KAT2B: variants seen among roughly 807,000 people sequenced by gnomAD.
KAT2B encodes histone acetyltransferase KAT2B.
A neutral mutation model predicts 105.9 loss-of-function variants in KAT2B; 36 were observed. The observed-to-expected ratio is 0.34, with a 90% CI of 0.26 to 0.45. The LOEUF (loss-of-function observed/expected upper bound fraction) is 0.45. KAT2B is among the 20% of genes least tolerant of loss of function. KAT2B has a pLI of 1.00. For missense variants in KAT2B, 820 were observed against 1,021.6 expected (o/e 0.80, Z 2.69); for synonymous variants, 397 against 377.9 (o/e 1.05, Z -0.59).
chr3:20,098,127 G>C (rs1374369173), intron 3 of KAT2B, among the ~76,000 whole-genome samples: 1 of 151,890 alleles, frequency 6.6e-6, no homozygotes, highest in Non-Finnish European at 1.5e-5. Context: ...CTACTTGAGA[G>C]GCTGAGGCAG....
intron 11 of KAT2B, among the ~76,000 whole-genome samples, chr3:20,132,212 C>A (rs1575152988): frequency 6.6e-6 from 1 of 151,926 alleles, no homozygotes; most frequent in Admixed American, 6.6e-5. Flanking sequence ...CCATCTCTAC[C>A]AAAAATACAA....
chr3:20,129,765 C>T (rs962839115), intron 11 of KAT2B, among the ~76,000 whole-genome samples: 2 of 152,110 alleles, frequency 1.3e-5, no homozygotes, highest in Non-Finnish European at 2.9e-5. Flanking sequence ...TTGATAGGCA[C>T]GTGTGGCCAG....
intron 1 of KAT2B, among the ~76,000 whole-genome samples, chr3:20,066,705 C>G (rs1698228564): frequency 6.6e-6 from 1 of 150,670 alleles, no homozygotes; most frequent in African/African-American, 2.4e-5. Context: ...CTGGCTGGGA[C>G]ATGAACTTTA....
chr3:20,053,644 GTATTA>G lies in KAT2B; in HGVS notation c.303+12870_303+12874del, dbSNP rs1277348131. Among the ~76,000 whole-genome samples, 6 of 152,138 alleles carry G rather than the reference GTATTA, an allele frequency of 3.9e-5. No individual in the cohort carries two copies. In the East Asian group the frequency reaches 9.6e-4, roughly 24 times the overall value. On this transcript the variant is annotated intron_variant, in intron 1 of 17. Transcript: ENST00000263754. ...GTTTTAGCATATATTCTAGAAGTCT[GTATTA>G]TATTAGTAAACTTAAAAATCAATTG...
intron 5 of KAT2B, among the ~76,000 whole-genome samples, chr3:20,103,546 A>T (rs1698946347): frequency 6.6e-6 from 1 of 152,106 alleles, no homozygotes; most frequent in East Asian, 1.9e-4. Flanking sequence ...AGTAGCTGGG[A>T]CTACAGGCAC....
chr3:20,111,897 C>G, intron 6 of KAT2B, 110 bp downstream of exon 6: 1 of 846,926 alleles, frequency 1.2e-6, no homozygotes, highest in Non-Finnish European at 1.8e-6. Context: ...AAGAAACATT[C>G]CAAGGGGATG....
chr3:20,079,887 G>A (rs1200013896), intron 2 of KAT2B, among the ~76,000 whole-genome samples: 1 of 152,114 alleles, frequency 6.6e-6, no homozygotes, highest in African/African-American at 2.4e-5. Flanking sequence ...GCTGTGGGTC[G>A]GGCACAGCAG....
At chr3:20,051,210 A>AAAC in intron 1 of KAT2B, among the ~76,000 whole-genome samples, 1 of 151,284 alleles carries the variant, frequency 6.6e-6, no homozygotes, top group Non-Finnish European at 1.5e-5. Context: ...AAAAAAAAAA[A>AAAC]AAAACCCAAA....
In KAT2B at chr3:20,040,512, G is replaced by GCGGGGCAGGAGCCGGGGCAGGGGC. The variant is rs1553643230; in HGVS notation, c.40_63dup (p.Ala14_Gly21dup). ...GCTGGCGGGGCCGGGCCGGGCGGCTGCGGGGCAGGAGCCGGGGCAGGGGCC... is the reference window on the plus strand; with the variant it reads ...GCTGGCGGGGCCGGGCCGGGCGGCTGCGGGGCAGGAGCCGGGGCAGGGGCCGGGGCAGGAGCCGGGGCAGGGGCC... On this transcript the variant is annotated inframe_insertion, in exon 1 of 18. Transcript: ENST00000263754. 70 of 1,028,810 alleles carry GCGGGGCAGGAGCCGGGGCAGGGGC rather than the reference G, an allele frequency of 6.8e-5. No homozygotes were observed. In the East Asian group the frequency reaches 4.6e-3, roughly 68 times the overall value. The allele number at this position is 1,028,810 out of a possible 1,614,324, so 63.7% of individuals were successfully genotyped here.
chr3:20,095,885 G>A (rs1559311618), intron 3 of KAT2B, among the ~76,000 whole-genome samples: 1 of 152,178 alleles, frequency 6.6e-6, no homozygotes, highest in Non-Finnish European at 1.5e-5. Context: ...GGATGGTGGC[G>A]AGTTGGGGAC....
chr3:20,120,219 T>TTTTCCTTTTCTTTTC (rs977971553), intron 8 of KAT2B, among the ~76,000 whole-genome samples: 9 of 152,082 alleles, frequency 5.9e-5, no homozygotes, highest in Non-Finnish European at 1.0e-4. Context: ...CATTCTTTTT[T>TTTTCCTTTTCTTTTC]TTTTTCCTTT....
intron 13 of KAT2B, among the ~76,000 whole-genome samples, chr3:20,145,208 C>T (rs1699764148): frequency 6.6e-6 from 1 of 152,140 alleles, no homozygotes; most frequent in South Asian, 2.1e-4. Flanking sequence ...AAATGAAATA[C>T]ATTATTAAAA....
chr3:20,056,571 ATAAT>A (rs1285896032), intron 1 of KAT2B, among the ~76,000 whole-genome samples: 1 of 152,240 alleles, frequency 6.6e-6, no homozygotes, highest in Non-Finnish European at 1.5e-5. Flanking sequence ...ACAATGCTAA[ATAAT>A]AATTATTGTT....
At chr3:20,079,233 C>T (rs1308406328) in intron 2 of KAT2B, among the ~76,000 whole-genome samples, 2 of 119,658 alleles carry the variant, frequency 1.7e-5, no homozygotes, top group African/African-American at 6.6e-5. Context: ...GCCACAGAGT[C>T]TGGCTCTGTC....
At chr3:20,119,142 C>CA (rs1402692266) in intron 7 of KAT2B, among the ~76,000 whole-genome samples, 1 of 151,640 alleles carries the variant, frequency 6.6e-6, no homozygotes, top group Admixed American at 6.6e-5. Flanking sequence ...CCTTTTTAAT[C>CA]AAAAAAATAC....
At chr3:20,086,451 A>G (rs1037024025) in intron 2 of KAT2B, among the ~76,000 whole-genome samples, 3 of 152,052 alleles carry the variant, frequency 2.0e-5, no homozygotes, top group Admixed American at 2.0e-4. Context: ...ATACAAAAAA[A>G]TTAGCCAGGC....
At chr3:20,131,739 T>G (rs1488099836) in intron 11 of KAT2B, among the ~76,000 whole-genome samples, 2 of 152,084 alleles carry the variant, frequency 1.3e-5, no homozygotes, top group Non-Finnish European at 2.9e-5. Context: ...GGCTAATTTA[T>G]TTTTTGTAGA....
chr3:20,102,818 G>A (rs907603344), intron 5 of KAT2B, among the ~76,000 whole-genome samples: 7 of 152,056 alleles, frequency 4.6e-5, no homozygotes, highest in Non-Finnish European at 1.0e-4. Context: ...TTGCATTAGG[G>A]AGCTTTAGTG....
chr3:20,146,127 T>C (rs1463355719), intron 13 of KAT2B, among the ~76,000 whole-genome samples, 189 bp from the exon 14 acceptor site: 1 of 152,244 alleles, frequency 6.6e-6, no homozygotes, highest in African/African-American at 2.4e-5. Flanking sequence ...TTTTTGTGAA[T>C]GTCACTAAAT....
Sources: gnomAD v4.1 joint callset for allele counts (sites outside exome capture counted in the v4.1 genomes callset) on GRCh38, gnomAD v4.1.1 for gene constraint, MANE v1.5 for transcripts, NCBI Gene and HGNC (gene_info 2026-07-23, HGNC 2026-07-21) for gene names.